RPTOR: variants seen among roughly 807,000 people sequenced by gnomAD.
RPTOR encodes the protein regulatory-associated protein of mTOR.
RPTOR carries 21 observed loss-of-function variants against 169.9 expected under a neutral mutation model. That is an observed-to-expected ratio of 0.12 (90% confidence interval 0.09 to 0.18). The LOEUF is 0.18. RPTOR is among the 10% of genes least tolerant of loss of function. The pLI is 1.00. For missense variants in RPTOR, 1,133 were observed against 1,855.9 expected, an observed-to-expected ratio of 0.61 and a Z score of 7.16; for synonymous variants, 732 against 753.2, an observed-to-expected ratio of 0.97 and a Z score of 0.46.
In RPTOR at chr17:80,823,304, G is replaced by T; in HGVS notation, c.1136+81G>T. ...GATGTCATGGAATTGCACGGAGCTG[G>T]GCAGGGAGGCCCCACACCTAACTTG... On this transcript the variant is annotated intron_variant, in intron 9 of 33. Coordinates refer to ENST00000306801, the MANE Select transcript of RPTOR (RefSeq NM_020761.3). The surrounding 1 kb of genome is among the most constrained non-coding windows in gnomAD (Gnocchi z 4.5). 3.9e-6 allele frequency: 6 copies of T among 1,544,472 alleles called. No homozygotes were observed. Among genetic ancestry groups the T allele is most frequent in the Non-Finnish European group, 5.3e-6 (6 of 1,142,692 alleles).
intron 21 of RPTOR, among the ~76,000 whole-genome samples, chr17:80,917,691 T>G (rs1401598932): frequency 6.6e-6 from 1 of 152,210 alleles, no homozygotes; most frequent in East Asian, 1.9e-4. Flanking sequence ...TCTGATTTCT[T>G]TTTAACCTCG....
intron 25 of RPTOR, 81 bp downstream of exon 25, chr17:80,940,682 C>T (rs1458738650): frequency 1.5e-5 from 17 of 1,135,022 alleles, no homozygotes; most frequent in Middle Eastern, 2.8e-4. Context: ...GCAGGCCCCC[C>T]GCGGCCCACG....
intron 6 of RPTOR, chr17:80,773,765 G>C (rs2066866820): frequency 2.0e-6 from 2 of 985,246 alleles, no homozygotes; most frequent in African/African-American, 3.5e-5. Context: ...GGGTAGCCTT[G>C]CTGGGGACGT....
intron 4 of RPTOR, among the ~76,000 whole-genome samples, chr17:80,724,006 C>G (rs1439709667): frequency 6.6e-6 from 1 of 151,246 alleles, no homozygotes; most frequent in African/African-American, 2.5e-5. Context: ...TTAGTTTCTG[C>G]AAGAGGTAAC....
chr17:80,750,208 T>A (rs1195270698), intron 5 of RPTOR, among the ~76,000 whole-genome samples: 1 of 152,238 alleles, frequency 6.6e-6, no homozygotes, highest in Non-Finnish European at 1.5e-5. Context: ...GCTATATTTC[T>A]GCTATATACA....
At chr17:80,937,229 C>A (rs2068965967) in intron 24 of RPTOR, among the ~76,000 whole-genome samples, 1 of 152,142 alleles carries the variant, frequency 6.6e-6, no homozygotes, top group South Asian at 2.1e-4. Flanking sequence ...TGCCTCTCCC[C>A]TTTTGCCTTC....
chr17:80,682,342 G>A (rs913092836), intron 3 of RPTOR, among the ~76,000 whole-genome samples: 2 of 152,120 alleles, frequency 1.3e-5, no homozygotes, highest in Non-Finnish European at 2.9e-5. Flanking sequence ...CTGGACTCAA[G>A]CCATTTGCCT....
intron 5 of RPTOR, 135 bp from the exon 6 acceptor site, chr17:80,753,875 C>G: frequency 1.2e-6 from 1 of 830,832 alleles, no homozygotes. Context: ...ACGCCTCTCT[C>G]CAGAGGACTT....
At chr17:80,852,950 C>T (rs1220100802) in intron 11 of RPTOR, among the ~76,000 whole-genome samples, 1 of 152,026 alleles carries the variant, frequency 6.6e-6, no homozygotes, top group African/African-American at 2.4e-5. Flanking sequence ...CAAACTCATC[C>T]CAAACCTTCT....
Position 80,878,181 on chromosome 17 carries a change from C to G in RPTOR, c.1510-2234C>G, listed in dbSNP as rs2068143881. ...GAGCTGGCAGAACGCACGCCTCACT[C>G]TGTCGATGCAGTGTCTGTCACTGCT... On this transcript the variant is annotated intron_variant, in intron 13 of 33. Coordinates refer to ENST00000306801, the MANE Select transcript of RPTOR (RefSeq NM_020761.3). The surrounding 1 kb of genome is among the most constrained non-coding windows in gnomAD (Gnocchi z 4.1). Among the ~76,000 whole-genome samples, 3 of 152,222 alleles carry G rather than the reference C, an allele frequency of 2.0e-5. No individual in the cohort carries two copies. In the South Asian group the frequency reaches 6.2e-4, roughly 32 times the overall value.
chr17:80,722,554 T>TG (rs1364755104), intron 4 of RPTOR, among the ~76,000 whole-genome samples: 2 of 150,716 alleles, frequency 1.3e-5, no homozygotes, highest in Admixed American at 1.3e-4. Flanking sequence ...AGATGTCAGG[T>TG]GGGGCAGGAA....
rs142933743 is a variant in RPTOR at position 80,760,459 on chromosome 17, G to A, written c.830+6274G>A. ...TGGGATTACAGGTGCCCACCACCAC[G>A]CCTGGCTAATTTTTGTATTTTTAGT... On this transcript the variant is annotated intron_variant, in intron 6 of 33. Coordinates refer to ENST00000306801, the MANE Select transcript of RPTOR (RefSeq NM_020761.3). 2.4e-3 allele frequency among the ~76,000 whole-genome samples: 371 copies of A among 151,882 alleles called. 7 individuals carry two copies. Among genetic ancestry groups the A allele is most frequent in the African/African-American group, 8.4e-3 (349 of 41,448 alleles).
chr17:80,626,374 T>A (rs972580655), intron 2 of RPTOR, among the ~76,000 whole-genome samples: 1 of 145,136 alleles, frequency 6.9e-6, no homozygotes, highest in African/African-American at 2.6e-5. Context: ...TTCTACTTTA[T>A]ATTTGTTCTG....
intron 1 of RPTOR, among the ~76,000 whole-genome samples, chr17:80,614,085 C>T (rs961252764): frequency 6.6e-6 from 1 of 152,204 alleles, no homozygotes; most frequent in African/African-American, 2.4e-5. Context: ...TGGACACTCT[C>T]TTCATGTCAG....
At chr17:80,944,454 G>A (rs928278851) in intron 25 of RPTOR, among the ~76,000 whole-genome samples, 35 of 152,302 alleles carry the variant, frequency 2.3e-4, no homozygotes, top group African/African-American at 7.5e-4. Flanking sequence ...TGTCCAGCTC[G>A]GCATCAGGAG....
intron 3 of RPTOR, among the ~76,000 whole-genome samples, chr17:80,700,691 A>G (rs1176483553): frequency 1.5e-3 from 78 of 51,314 alleles, no homozygotes; most frequent in Middle Eastern, 0.014. Context: ...GGTGGTGGTG[A>G]TGGTGATGGT....
intron 11 of RPTOR, among the ~76,000 whole-genome samples, chr17:80,849,131 C>T (rs1040542771): frequency 2.6e-5 from 4 of 152,310 alleles, no homozygotes; most frequent in East Asian, 1.9e-4. Context: ...CTCGTTAACT[C>T]GGCTCACTTC....
intron 4 of RPTOR, among the ~76,000 whole-genome samples, chr17:80,715,588 T>TGG (rs1567872198): frequency 2.6e-5 from 4 of 151,870 alleles, no homozygotes; most frequent in East Asian, 1.9e-4. Flanking sequence ...TTTTTATGTT[T>TGG]TTTTTTTTTC....
intron 20 of RPTOR, among the ~76,000 whole-genome samples, chr17:80,896,104 A>G (rs2068395408): frequency 6.7e-6 from 1 of 148,318 alleles, no homozygotes; most frequent in Non-Finnish European, 1.5e-5. Flanking sequence ...ATTCTCCTAC[A>G]TTTTCTTCCA....
Sources: gnomAD v4.1 joint callset for allele counts (sites outside exome capture counted in the v4.1 genomes callset) on GRCh38, gnomAD v4.1.1 for gene constraint, Gnocchi (gnomAD v3.1) non-coding constraint, MANE v1.5 for transcripts, NCBI Gene and HGNC (gene_info 2026-07-23, HGNC 2026-07-21) for gene names.